Variants in GPC5 observed in about 807,000 individuals in gnomAD.
The protein encoded by GPC5 is glypican-5.
Under a neutral mutation model 53.9 loss-of-function variants are expected in GPC5, and 47 were observed. That is an observed-to-expected ratio of 0.87 (90% CI 0.69 to 1.11). GPC5 has a LOEUF of 1.11. Ranked by LOEUF, GPC5 falls within the 50% of genes most tolerant of loss-of-function variation. The pLI, the probability that GPC5 is intolerant of heterozygous loss-of-function variation, is 0.00. For synonymous variants in GPC5, 286 were observed against 263.3 expected (o/e 1.09, Z -0.84); for missense variants, 748 against 713.1 (o/e 1.05, Z -0.56).
intron 7 of GPC5, among the ~76,000 whole-genome samples, chr13:92,782,265 CCTT>C: frequency 6.6e-6 from 1 of 152,142 alleles, no homozygotes; most frequent in Middle Eastern, 3.4e-3. Context: ...TACCAAATCT[CCTT>C]CTTGTGTCCT....
At chr13:92,517,832 ATGACTT>A (rs1880857062) in intron 7 of GPC5, among the ~76,000 whole-genome samples, 1 of 152,264 alleles carries the variant, frequency 6.6e-6, no homozygotes, top group Non-Finnish European at 1.5e-5. Flanking sequence ...TGGACGGAGA[ATGACTT>A]TGATGAGTTG....
At chr13:91,560,059 A>AGG (rs3055889) in intron 2 of GPC5, among the ~76,000 whole-genome samples, 39,741 of 151,942 alleles carry the variant, frequency 0.26, 5,906 homozygotes, top group African/African-American at 0.42. Context: ...GTCCAGATAT[A>AGG]GGATGTTATC....
At chr13:92,201,577 T>C (rs1470278762) in intron 7 of GPC5, among the ~76,000 whole-genome samples, 5 of 143,392 alleles carry the variant, frequency 3.5e-5, no homozygotes, top group African/African-American at 1.2e-4. Flanking sequence ...CTCCATTCCA[T>C]TTTTTTTTCT....
intron 6 of GPC5, among the ~76,000 whole-genome samples, chr13:92,089,211 G>A (rs2041359030): frequency 6.6e-6 from 1 of 152,188 alleles, no homozygotes; most frequent in Admixed American, 6.5e-5. Flanking sequence ...GAGGCGGGCC[G>A]ATCACGAGGT....
At chr13:92,113,261 C>A (rs930961692) in intron 6 of GPC5, among the ~76,000 whole-genome samples, 1 of 152,174 alleles carries the variant, frequency 6.6e-6, no homozygotes, top group South Asian at 2.1e-4. Context: ...CTTACAGTTA[C>A]AAAGTCTTGT....
chr13:92,789,136 G>A (rs1876367994), intron 7 of GPC5, among the ~76,000 whole-genome samples: 2 of 152,116 alleles, frequency 1.3e-5, no homozygotes, highest in Admixed American at 6.6e-5. Flanking sequence ...GTCATTGGCT[G>A]GGAGTATCCT....
chr13:91,761,688 C>T (rs2037416047), intron 5 of GPC5, among the ~76,000 whole-genome samples: 4 of 152,294 alleles, frequency 2.6e-5, no homozygotes, highest in Admixed American at 2.6e-4. Flanking sequence ...AGGTATGGGG[C>T]AAGGGGTGAT....
intron 2 of GPC5, among the ~76,000 whole-genome samples, chr13:91,611,580 T>G (rs183032025): frequency 2.0e-5 from 3 of 152,326 alleles, no homozygotes. Context: ...GTCAAGGTTT[T>G]TCATCATTCC....
intron 7 of GPC5, among the ~76,000 whole-genome samples, chr13:92,156,247 C>G (rs1023974397): frequency 6.6e-6 from 1 of 152,000 alleles, no homozygotes; most frequent in Admixed American, 6.6e-5. Context: ...TCCCCTCATC[C>G]TGAATGGTAA....
At chr13:92,177,607 G>A (rs1593964858) in intron 7 of GPC5, among the ~76,000 whole-genome samples, 2 of 152,202 alleles carry the variant, frequency 1.3e-5, no homozygotes, top group South Asian at 4.1e-4. Context: ...GATATGCACA[G>A]TCTCTGATTA....
chr13:92,016,584 A>G (rs1308672666), intron 6 of GPC5, among the ~76,000 whole-genome samples: 1 of 152,220 alleles, frequency 6.6e-6, no homozygotes, highest in Non-Finnish European at 1.5e-5. Context: ...TTAATGTATT[A>G]CTGCCAATAC....
intron 7 of GPC5, among the ~76,000 whole-genome samples, chr13:92,798,720 G>A (rs898825266): frequency 1.3e-5 from 2 of 151,742 alleles, no homozygotes; most frequent in Non-Finnish European, 2.9e-5. Flanking sequence ...TTTCAAATCA[G>A]GCTGTTGCAA....
intron 7 of GPC5, among the ~76,000 whole-genome samples, chr13:92,461,929 GT>G (rs1878498340): frequency 6.6e-6 from 1 of 152,190 alleles, no homozygotes; most frequent in African/African-American, 2.4e-5. Flanking sequence ...GCAAAGACCT[GT>G]GTGAAGTGAG....
chr13:92,282,367 C>G (rs1179169271), intron 7 of GPC5, among the ~76,000 whole-genome samples: 1 of 152,080 alleles, frequency 6.6e-6, no homozygotes, highest in Non-Finnish European at 1.5e-5. Context: ...GCAAGGCAGG[C>G]CAACATTCAA....
chr13:92,765,464 CTA>C, intron 7 of GPC5, among the ~76,000 whole-genome samples: 1 of 152,196 alleles, frequency 6.6e-6, no homozygotes, highest in African/African-American at 2.4e-5. Context: ...AAAAAGAACT[CTA>C]AATCTGAAGC....
intron 5 of GPC5, among the ~76,000 whole-genome samples, chr13:91,853,105 A>T (rs9589360): frequency 0.32 from 49,285 of 151,930 alleles, 9,473 homozygotes; most frequent in East Asian, 0.64. Flanking sequence ...AAGTGTTTAC[A>T]TAGACTGACC....
intron 7 of GPC5, among the ~76,000 whole-genome samples, chr13:92,252,682 A>G (rs2042700677): frequency 2.0e-5 from 3 of 152,116 alleles, no homozygotes; most frequent in Non-Finnish European, 4.4e-5. Context: ...AAGTTACCAG[A>G]AAGTTACATA....
intron 1 of GPC5, among the ~76,000 whole-genome samples, chr13:91,427,404 A>G (rs1879135715): frequency 1.3e-5 from 2 of 152,160 alleles, no homozygotes; most frequent in African/African-American, 4.8e-5. Flanking sequence ...TGAGACATGG[A>G]GTCAAATGAG....
intron 3 of GPC5, among the ~76,000 whole-genome samples, chr13:91,725,683 G>C (rs1426878862): frequency 1.3e-5 from 2 of 152,132 alleles, no homozygotes; most frequent in Non-Finnish European, 2.9e-5. Flanking sequence ...GGATAAAGGT[G>C]TTGCAAGGCT....
Sources: allele counts gnomAD v4.1 joint callset (sites outside exome capture counted in the v4.1 genomes callset), GRCh38; gene constraint gnomAD v4.1.1; transcripts MANE v1.5; gene names NCBI Gene and HGNC (gene_info 2026-07-23, HGNC 2026-07-21).